Variants in TSGA10 observed in about 807,000 individuals in gnomAD.
The protein encoded by TSGA10 is testis specific 10.
In TSGA10, 43 loss-of-function variants were observed where a neutral mutation model predicts 96.6. That is an observed-to-expected ratio of 0.44 (90% CI 0.35 to 0.57). TSGA10 has a LOEUF of 0.57. Among genes scored for constraint, TSGA10 ranks in the 20% least tolerant of loss-of-function variants. The pLI is 0.01. For synonymous variants in TSGA10, 229 were observed against 269.9 expected, an observed-to-expected ratio of 0.85 and a Z score of 1.48; for missense variants, 703 against 834.4, an observed-to-expected ratio of 0.84 and a Z score of 1.94.
intron 16 of TSGA10, among the ~76,000 whole-genome samples, chr2:99,045,945 T>C (rs1169448681): frequency 6.6e-6 from 1 of 152,064 alleles, no homozygotes; most frequent in East Asian, 1.9e-4. Context: ...TAAAACAGAC[T>C]TTAAACCACA....
At chr2:99,051,178 A>G (rs1211435656) in intron 16 of TSGA10, among the ~76,000 whole-genome samples, 1 of 152,188 alleles carries the variant, frequency 6.6e-6, no homozygotes, top group Non-Finnish European at 1.5e-5. Flanking sequence ...TAAACTGATA[A>G]AGCAATTTAA....
chr2:99,143,269 G>A lies in TSGA10; in HGVS notation c.-621+11424C>T, dbSNP rs183138321. ...CCATTCTCCTGCCTCAGCCTCCCAA[G>A]TAGCTAGGACTACAGGCGCCCACTA... On this transcript the variant is annotated intron_variant, in intron 1 of 20. Transcript: ENST00000393483. Among the ~76,000 whole-genome samples the A allele has an allele frequency of 5.6e-3, 830 of 149,004 alleles. 6 individuals are homozygous for A. The highest frequency in any genetic ancestry group is 9.9e-3 in the Non-Finnish European group (666 of 67,580).
chr2:99,140,138 G>A (rs2093476895), intron 1 of TSGA10, among the ~76,000 whole-genome samples: 1 of 152,158 alleles, frequency 6.6e-6, no homozygotes, highest in Non-Finnish European at 1.5e-5. Flanking sequence ...CAAAGTTTAG[G>A]ATTTAAAATT....
intron 16 of TSGA10, among the ~76,000 whole-genome samples, chr2:99,044,832 C>T (rs1026995238): frequency 6.6e-6 from 1 of 152,172 alleles, no homozygotes; most frequent in Non-Finnish European, 1.5e-5. Flanking sequence ...TAAACAGTTT[C>T]TCAGACCACA....
chr2:99,000,483 C>G (rs2077795626), intron 20 of TSGA10, among the ~76,000 whole-genome samples: 1 of 148,708 alleles, frequency 6.7e-6, no homozygotes, highest in African/African-American at 2.5e-5. Context: ...GCACTCCAGT[C>G]TGGGGGACAA....
In TSGA10 at chr2:99,055,053, G is replaced by A. The variant is rs148269965; in HGVS notation, c.1404+9886C>T. 4.1e-3 allele frequency among the ~76,000 whole-genome samples: 629 copies of A among 152,302 alleles called. 5 individuals carry two copies. Among genetic ancestry groups the A allele is most frequent in the African/African-American group, 0.014 (598 of 41,572 alleles). On this transcript the variant is annotated intron_variant, in intron 16 of 20. Coordinates refer to ENST00000393483, the MANE Select transcript of TSGA10 (RefSeq NM_025244.4). ...AAATCAGTATGTCAAAAAGACATCT[G>A]CATTCCCATGTGCTCTGAATTATTT...
intron 16 of TSGA10, among the ~76,000 whole-genome samples, chr2:99,063,328 T>C (rs566651843): frequency 6.6e-6 from 1 of 152,258 alleles, no homozygotes; most frequent in East Asian, 1.9e-4. Context: ...TAGGATTTCT[T>C]AAAGAAGACA....
At position 99,006,908 on chromosome 2, in the gene TSGA10, A is replaced by G. The variant is rs1019956949; in HGVS notation, c.2073-8687T>C. On this transcript the variant is annotated intron_variant, in intron 20 of 20. Coordinates refer to ENST00000393483, the MANE Select transcript of TSGA10 (RefSeq NM_025244.4). ...TTGGAACCAACACAAATGTCCATCA[A>G]TGATAGACTGGATTAAGAAAACGTG... Among the ~76,000 whole-genome samples, 5 of 152,230 alleles carry G rather than the reference A, an allele frequency of 3.3e-5. No homozygotes were observed. In the East Asian group the frequency reaches 5.8e-4, roughly 18 times the overall value.
intron 10 of TSGA10, among the ~76,000 whole-genome samples, chr2:99,101,167 C>A (rs1359331389): frequency 7.5e-6 from 1 of 132,646 alleles, no homozygotes; most frequent in African/African-American, 2.7e-5. Context: ...TGGCGTGAAC[C>A]CGGGAAGGCG....
At position 99,105,555 on chromosome 2, in the gene TSGA10, T is replaced by C. The variant is rs777991098; in HGVS notation, c.353A>G (p.Glu118Gly). The change falls in exon 8 of 21, where the codon GAA becomes GGA. Residue 118 changes from glutamate to glycine, a missense_variant. Around this residue, in one of 3 missense-constraint regions of TSGA10, gnomAD observed 585 missense variants for 656.8 expected, o/e 0.89. Coordinates refer to ENST00000393483, the MANE Select transcript of TSGA10 (RefSeq NM_025244.4). ...AFTDLRRMTT[E>G]RDSLRERLKI... Reference sequence around the variant, plus strand: ...TAGCCTCTCCCTTAGACTATCTCGTTCTGTGGTCATTCTTCGTAAATCAGT... The same window carrying C: ...TAGCCTCTCCCTTAGACTATCTCGTCCTGTGGTCATTCTTCGTAAATCAGT... 6.2e-7 allele frequency: 1 copy of C among 1,612,614 alleles called. No individual in the cohort carries two copies. Among genetic ancestry groups the C allele is most frequent in the East Asian group, 2.2e-5 (1 of 44,808 alleles).
At position 99,143,323 on chromosome 2, in the gene TSGA10, T is replaced by G. The variant is rs924850036; in HGVS notation, c.-621+11370A>C. 4.6e-5 allele frequency among the ~76,000 whole-genome samples: 7 copies of G among 151,338 alleles called. No individual in the cohort carries two copies. The East Asian group carries it at 7.7e-4, about 17-fold the overall frequency. ...CGCCCAGCTTTTTTTTTGTTTGTTTTTTGTTTTTTGTATTTTTAGTAGAGA... is the reference window on the plus strand; with the variant it reads ...CGCCCAGCTTTTTTTTTGTTTGTTTGTTGTTTTTTGTATTTTTAGTAGAGA... On this transcript the variant is annotated intron_variant, in intron 1 of 20. Coordinates refer to ENST00000393483, the MANE Select transcript of TSGA10 (RefSeq NM_025244.4).
intron 12 of TSGA10, among the ~76,000 whole-genome samples, chr2:99,077,277 A>C (rs1021796980): frequency 2.0e-5 from 3 of 151,532 alleles, no homozygotes; most frequent in African/African-American, 7.3e-5. Context: ...AGTAGCTGGG[A>C]CTACAGGCAT....
At chr2:99,131,786 T>C (rs1201019272) in intron 1 of TSGA10, among the ~76,000 whole-genome samples, 1 of 152,194 alleles carries the variant, frequency 6.6e-6, no homozygotes, top group Non-Finnish European at 1.5e-5. Flanking sequence ...TATTTTGAGA[T>C]ACATTCCATC....
chr2:99,017,677 A>G (rs2079633777), intron 20 of TSGA10, among the ~76,000 whole-genome samples: 1 of 151,062 alleles, frequency 6.6e-6, no homozygotes, highest in African/African-American at 2.4e-5. Context: ...AGGCAGGAGA[A>G]TGGCGTGAAC....
chr2:99,082,433 G>A (rs1231333608), intron 10 of TSGA10, among the ~76,000 whole-genome samples: 1 of 152,174 alleles, frequency 6.6e-6, no homozygotes, highest in African/African-American at 2.4e-5. Context: ...GAGGCTGAGA[G>A]AATTTTGAGC....
chr2:99,081,118 A>G (rs1176573409), intron 11 of TSGA10, among the ~76,000 whole-genome samples, 164 bp downstream of exon 11: 1 of 152,152 alleles, frequency 6.6e-6, no homozygotes, highest in Non-Finnish European at 1.5e-5. Flanking sequence ...AATCTAAAAA[A>G]TTTTGCTGTC....
intron 1 of TSGA10, among the ~76,000 whole-genome samples, chr2:99,136,923 T>A (rs1253369334): frequency 6.6e-6 from 1 of 151,172 alleles, no homozygotes; most frequent in Non-Finnish European, 1.5e-5. Flanking sequence ...ATATCCCTTC[T>A]GGAGCACTTA....
At chr2:99,101,244 CAAAAAAAAAA>C (rs869263270) in intron 10 of TSGA10, among the ~76,000 whole-genome samples, 2 of 24,364 alleles carry the variant, frequency 8.2e-5, no homozygotes, top group African/African-American at 2.1e-4. Flanking sequence ...GACTCTGTCT[CAAAAAAAAAA>C]AAAAAAAAAA....
chr2:98,999,551 T>C (rs2077714916), intron 20 of TSGA10, among the ~76,000 whole-genome samples: 1 of 151,384 alleles, frequency 6.6e-6, no homozygotes, highest in Non-Finnish European at 1.5e-5. Flanking sequence ...TTGTTAATCA[T>C]ATTAATAGAA....
Sources: gnomAD v4.1 joint callset for allele counts (sites outside exome capture counted in the v4.1 genomes callset) on GRCh38, gnomAD v4.1.1 for gene constraint, gnomAD v4.1.1 regional missense constraint, MANE v1.5 for transcripts, NCBI Gene and HGNC (gene_info 2026-07-23, HGNC 2026-07-21) for gene names.